C7orf57: variants seen among roughly 807,000 people sequenced by gnomAD.
C7orf57 encodes the protein uncharacterized protein C7orf57.
In C7orf57, 33 loss-of-function variants were observed where a neutral mutation model predicts 39.0. That is an observed-to-expected ratio of 0.85 (90% CI 0.64 to 1.13). C7orf57 has a LOEUF of 1.13. Ranked by LOEUF, C7orf57 falls within the 50% of genes most tolerant of loss-of-function variation. The pLI, the probability that C7orf57 is intolerant of heterozygous loss-of-function variation, is 0.00. For synonymous variants in C7orf57, 124 were observed against 137.1 expected (o/e 0.90, Z 0.67); for missense variants, 346 against 362.3 (o/e 0.95, Z 0.37).
chr7:48,057,812 GT>G (rs1554300318), intron 8 of C7orf57, among the ~76,000 whole-genome samples: 4 of 151,836 alleles, frequency 2.6e-5, no homozygotes, highest in Non-Finnish European at 4.4e-5. Flanking sequence ...TTTGTTGAGA[GT>G]TTTTTTTATC....
At chr7:48,058,803 G>T (rs534427624) in intron 8 of C7orf57, among the ~76,000 whole-genome samples, 6 of 152,266 alleles carry the variant, frequency 3.9e-5, no homozygotes, top group Admixed American at 3.3e-4. Flanking sequence ...TAAGAAGATA[G>T]AATTTACTTC....
intron 8 of C7orf57, among the ~76,000 whole-genome samples, chr7:48,059,272 G>A (rs1044275930): frequency 6.6e-6 from 1 of 152,164 alleles, no homozygotes; most frequent in African/African-American, 2.4e-5. Context: ...TTTAGAAAGT[G>A]CCTTTTTTCC....
chr7:48,058,388 T>C (rs959971934), intron 8 of C7orf57, among the ~76,000 whole-genome samples: 2 of 152,038 alleles, frequency 1.3e-5, no homozygotes, highest in African/African-American at 4.8e-5. Flanking sequence ...ATACTCATTC[T>C]TAGACAGTTC....
chr7:48,036,215 T>C lies in C7orf57; in HGVS notation c.-94T>C. On this transcript the variant is annotated 5_prime_UTR_variant, in exon 2 of 9. Transcript: ENST00000348904. ...CGGATTTTGCTTTTGCAGCTGCAGCTCCTGGCAACTGGTCAAGCAGGCAGC... is the reference window on the plus strand; with the variant it reads ...CGGATTTTGCTTTTGCAGCTGCAGCCCCTGGCAACTGGTCAAGCAGGCAGC... The C allele has an allele frequency of 7.2e-7, 1 of 1,383,314 alleles. No homozygotes were observed. Among genetic ancestry groups the C allele is most frequent in the Non-Finnish European group, 1.0e-6 (1 of 994,336 alleles). 85.7% of individuals were successfully genotyped at this position (1,383,314 alleles called of 1,614,324 possible). A position where few individuals can be genotyped will look rare whatever the true frequency, so the allele number is the denominator to read the frequency against.
chr7:48,041,011 G>GGA (rs1400365446), intron 2 of C7orf57, among the ~76,000 whole-genome samples: 1 of 152,136 alleles, frequency 6.6e-6, no homozygotes, highest in Admixed American at 6.5e-5. Context: ...TGGAGGATTA[G>GGA]GAGAGAGAGA....
intron 4 of C7orf57, among the ~76,000 whole-genome samples, chr7:48,045,763 GATGGTA>G: frequency 6.6e-6 from 1 of 152,152 alleles, no homozygotes; most frequent in Non-Finnish European, 1.5e-5. Flanking sequence ...TATGTGTACA[GATGGTA>G]CCTTCAGGGA....
chr7:48,051,858 T>TCTTTCTTTCTTTC (rs1491225001), intron 6 of C7orf57, among the ~76,000 whole-genome samples: 1 of 87,818 alleles, frequency 1.1e-5, no homozygotes, highest in East Asian at 2.5e-4. Context: ...TTTCTTTCTT[T>TCTTTCTTTCTTTC]CTTTCTTTCT....
chr7:48,043,797 C>A (rs1790625020), intron 4 of C7orf57, among the ~76,000 whole-genome samples: 1 of 151,950 alleles, frequency 6.6e-6, no homozygotes, highest in Admixed American at 6.6e-5. Flanking sequence ...CATTTTGTGC[C>A]ACCCTAGAGT....
In C7orf57 at chr7:48,054,575, G is replaced by A. The variant is rs116402129; in HGVS notation, c.830-20G>A. 223 of 1,543,184 alleles carry A rather than the reference G, an allele frequency of 1.4e-4. No individual in the cohort carries two copies. The African/African-American group carries it at 2.1e-3, about 14-fold the overall frequency. On this transcript the variant is annotated intron_variant, in intron 7 of 8. Coordinates refer to ENST00000348904, the MANE Select transcript of C7orf57 (RefSeq NM_001100159.3). ...GATCTGTTTCATTAACCTGAACAAC[G>A]AATGTACTTTTTATTACAGAGTCTT...
Position 48,043,520 on chromosome 7 carries a change from C to A in C7orf57, c.281C>A (p.Ser94Tyr). The A allele has an allele frequency of 1.9e-6, 3 of 1,613,906 alleles. No homozygotes were observed. Among genetic ancestry groups the A allele is most frequent in the Middle Eastern group, 1.6e-4 (1 of 6,062 alleles). The change falls in exon 4 of 9, where the codon TCT (serine) becomes TAT (tyrosine). Residue 94 changes from serine to tyrosine, a missense_variant. Coordinates refer to ENST00000348904, the MANE Select transcript of C7orf57 (RefSeq NM_001100159.3). ...TTTGCCCCTGGAACCAGGAAAGGCT[C>A]TCCAGTGGCCTACTCCCTGCCAGAC... ...KHFAPGTRKG[S>Y]PVAYSLPDWY...
chr7:48,044,978 A>G (rs920661103), intron 4 of C7orf57, among the ~76,000 whole-genome samples: 24 of 152,178 alleles, frequency 1.6e-4, no homozygotes, highest in African/African-American at 5.3e-4. Context: ...ACACTGCCAC[A>G]TGGACTTTTT....
chr7:48,048,658 G>GCGT (rs1337292681), intron 5 of C7orf57, among the ~76,000 whole-genome samples: 5 of 151,762 alleles, frequency 3.3e-5, no homozygotes, highest in Non-Finnish European at 7.4e-5. Context: ...TTTGACTAAG[G>GCGT]CGTCCCTTGT....
intron 5 of C7orf57, 78 bp downstream of exon 5, chr7:48,046,694 T>C: frequency 6.8e-7 from 1 of 1,473,386 alleles, no homozygotes; most frequent in Admixed American, 2.2e-5. Context: ...GCTGTGATGT[T>C]AGCTGCTGGT....
chr7:48,041,384 C>T lies in C7orf57; in HGVS notation c.106C>T (p.Pro36Ser). 1 of 1,613,922 alleles carries T rather than the reference C, an allele frequency of 6.2e-7. No individual in the cohort carries two copies. Among genetic ancestry groups the T allele is most frequent in the Non-Finnish European group, 8.5e-7 (1 of 1,179,858 alleles). ...GCGCTCTGAGAAGGCCGTGGATGCC[C>T]CACCAGCGTCCCAGATCCCAGGTCT... ...VKRSEKAVDA[P>S]PASQIPGLSN... The change falls in exon 3 of 9, where the codon CCA becomes TCA. Residue 36 changes from proline (P) to serine (S), a missense_variant. Physicochemically the swap from Pro to Ser is moderately conservative, Grantham distance 74. Coordinates refer to ENST00000348904, the MANE Select transcript of C7orf57 (RefSeq NM_001100159.3).
chr7:48,051,956 T>C (rs1433660185), intron 6 of C7orf57, among the ~76,000 whole-genome samples: 1 of 147,982 alleles, frequency 6.8e-6, no homozygotes, highest in African/African-American at 2.5e-5. Flanking sequence ...TTCTTTCTTT[T>C]TTTTTTCTCT....
intron 6 of C7orf57, among the ~76,000 whole-genome samples, chr7:48,050,540 T>C (rs1011664808): frequency 6.6e-6 from 1 of 152,196 alleles, no homozygotes; most frequent in Admixed American, 6.5e-5. Context: ...ACCTGACTAA[T>C]TCTTCAAACA....
intron 8 of C7orf57, among the ~76,000 whole-genome samples, chr7:48,056,862 C>G (rs1791130338): frequency 6.6e-6 from 1 of 151,924 alleles, no homozygotes; most frequent in South Asian, 2.1e-4. Flanking sequence ...TTCAGTTTAC[C>G]CAGCATCATT....
In C7orf57 at chr7:48,043,517, G is replaced by C. The variant is rs775346864; in HGVS notation, c.278G>C (p.Gly93Ala). The change falls in exon 4 of 9, where the codon GGC (glycine) becomes GCC (alanine). Residue 93 changes from glycine to alanine, a missense_variant. Coordinates refer to ENST00000348904, the MANE Select transcript of C7orf57 (RefSeq NM_001100159.3). ...CACTTTGCCCCTGGAACCAGGAAAG[G>C]CTCTCCAGTGGCCTACTCCCTGCCA... ...LKHFAPGTRK[G>A]SPVAYSLPDW... The C allele has an allele frequency of 2.5e-6, 4 of 1,613,708 alleles. No individual in the cohort carries two copies. Among genetic ancestry groups the C allele is most frequent in the Non-Finnish European group, 3.4e-6 (4 of 1,179,800 alleles).
chr7:48,051,754 C>CT lies in C7orf57; in HGVS notation c.606-943dup, dbSNP rs774618537. ...TTTTTCTTTTCTTTCTTTTTCTTTT[C>CT]TTTCTTTCTTTCTTTCTTTCTTTCT... On this transcript the variant is annotated intron_variant, in intron 6 of 8. Coordinates refer to ENST00000348904, the MANE Select transcript of C7orf57 (RefSeq NM_001100159.3). Among the ~76,000 whole-genome samples, 31 of 12,930 alleles carry CT rather than the reference C, an allele frequency of 2.4e-3. 5 individuals are homozygous for CT. Among genetic ancestry groups the CT allele is most frequent in the South Asian group, 2.1e-3 (1 of 476 alleles). 8.5% of individuals were successfully genotyped at this position (12,930 alleles called of 152,430 possible). A position where few individuals can be genotyped will look rare whatever the true frequency, so the allele number is the denominator to read the frequency against.
Sources: allele counts gnomAD v4.1 joint callset (sites outside exome capture counted in the v4.1 genomes callset), GRCh38; gene constraint gnomAD v4.1.1; transcripts MANE v1.5; gene names NCBI Gene and HGNC (gene_info 2026-07-23, HGNC 2026-07-21).